PRKAG2: variants seen among roughly 807,000 people sequenced by gnomAD.
The protein encoded by PRKAG2 is 5'-AMP-activated protein kinase subunit gamma-2.
A neutral mutation model predicts 69.6 loss-of-function variants in PRKAG2; 26 were observed. That is an observed-to-expected ratio of 0.37 (90% CI 0.27 to 0.52). The LOEUF (loss-of-function observed/expected upper bound fraction) is 0.52, where lower values mean the gene tolerates loss of function less well. Among genes scored for constraint, PRKAG2 ranks in the 20% least tolerant of loss-of-function variants. The probability of loss-of-function intolerance (pLI) is 0.90; values close to 1 mark genes in which losing one functional copy is unlikely to be tolerated. For missense variants in PRKAG2, 557 were observed against 740.0 expected (o/e 0.75, Z 2.87); for synonymous variants, 293 against 285.0 (o/e 1.03, Z -0.28).
intron 3 of PRKAG2, among the ~76,000 whole-genome samples, chr7:151,711,966 G>A (rs1421450106): frequency 1.3e-5 from 2 of 152,172 alleles, no homozygotes; most frequent in Non-Finnish European, 2.9e-5. Flanking sequence ...CCCAGAAGCC[G>A]CCCTCCTCTG....
rs1465914485 is a variant in PRKAG2 at position 151,795,243 on chromosome 7, A to G, written c.115-8702T>C. Among the ~76,000 whole-genome samples, 12 of 152,156 alleles carry G rather than the reference A, an allele frequency of 7.9e-5. No homozygotes were observed. The South Asian group carries it at 1.7e-3, about 21-fold the overall frequency. ...AGGAGTCTGGGTCAGCTCCCAGTTC[A>G]TGAGGAAGGAGGCAAGTACCTGGGA... is the stretch of plus-strand genomic sequence containing the variant. On this transcript the variant is annotated intron_variant, in intron 1 of 15. Transcript: ENST00000287878.
At chr7:151,811,510 T>C (rs998561122) in intron 1 of PRKAG2, among the ~76,000 whole-genome samples, 1 of 152,256 alleles carries the variant, frequency 6.6e-6, no homozygotes, top group African/African-American at 2.4e-5. Flanking sequence ...AATTCAGTAA[T>C]TGAGGCTAGA....
intron 3 of PRKAG2, among the ~76,000 whole-genome samples, chr7:151,746,036 T>G (rs1262044052): frequency 6.6e-6 from 1 of 152,116 alleles, no homozygotes; most frequent in African/African-American, 2.4e-5. Flanking sequence ...TCTGAAACTC[T>G]GCAGGCCAGC....
chr7:151,675,018 T>G (rs1585676137), intron 4 of PRKAG2: 1 of 340,070 alleles, frequency 2.9e-6, no homozygotes, highest in South Asian at 2.3e-5. Context: ...GCCATCTAGG[T>G]TTAAGCAATT....
intron 1 of PRKAG2, among the ~76,000 whole-genome samples, chr7:151,865,798 T>C (rs1198621023): frequency 1.3e-5 from 2 of 152,098 alleles, no homozygotes; most frequent in African/African-American, 4.8e-5. Context: ...GGCGGGCGGA[T>C]CATGAGGTCA....
At chr7:151,558,271 C>T in intron 15 of PRKAG2, 2 of 985,496 alleles carry the variant, frequency 2.0e-6, no homozygotes, top group South Asian at 9.4e-5. Flanking sequence ...AGAATCACCA[C>T]TAGTACCTTC....
chr7:151,685,056 G>A (rs1834515265), intron 3 of PRKAG2, among the ~76,000 whole-genome samples: 1 of 152,162 alleles, frequency 6.6e-6, no homozygotes. Flanking sequence ...ACTGCAGGCT[G>A]CTGTTTCATT....
chr7:151,849,721 C>A (rs7812239), intron 1 of PRKAG2, among the ~76,000 whole-genome samples: 6 of 151,968 alleles, frequency 3.9e-5, no homozygotes, highest in South Asian at 2.1e-4. Flanking sequence ...CTGTCTCGGC[C>A]TCTGCTGTCC....
chr7:151,806,946 A>T (rs2151846220), intron 1 of PRKAG2: 1 of 450,484 alleles, frequency 2.2e-6, no homozygotes, highest in Non-Finnish European at 4.4e-6. Flanking sequence ...AGCCTGGGGA[A>T]AAAAAAAAGC....
intron 4 of PRKAG2, among the ~76,000 whole-genome samples, chr7:151,642,047 A>AAG: frequency 6.6e-6 from 1 of 150,418 alleles, no homozygotes; most frequent in African/African-American, 2.4e-5. Flanking sequence ...AAAAAAAAAA[A>AAG]AAAAGGGGCC....
At chr7:151,830,252 C>T (rs1029078085) in intron 1 of PRKAG2, among the ~76,000 whole-genome samples, 3 of 151,806 alleles carry the variant, frequency 2.0e-5, no homozygotes, top group Non-Finnish European at 2.9e-5. Context: ...CCTATCTGTC[C>T]GCAGGCTGAC....
chr7:151,590,336 T>C (rs1000911555), intron 6 of PRKAG2, among the ~76,000 whole-genome samples: 31 of 152,224 alleles, frequency 2.0e-4, no homozygotes, highest in African/African-American at 7.5e-4. Context: ...GCTACAGGGC[T>C]GTTTCCAAAA....
intron 4 of PRKAG2, among the ~76,000 whole-genome samples, chr7:151,640,609 G>A (rs2151363841): frequency 6.6e-6 from 1 of 152,124 alleles, no homozygotes; most frequent in South Asian, 2.1e-4. Context: ...ATCTTTCTCT[G>A]AAAGCCTTTC....
intron 1 of PRKAG2, among the ~76,000 whole-genome samples, chr7:151,876,029 C>A (rs559785900): frequency 9.9e-5 from 15 of 150,840 alleles, no homozygotes; most frequent in African/African-American, 3.4e-4. Context: ...TACACAGCTC[C>A]CCCCAACCCC....
intron 1 of PRKAG2, among the ~76,000 whole-genome samples, chr7:151,800,357 C>CA (rs398048179): frequency 0.34 from 34,998 of 103,932 alleles, 4,735 homozygotes; most frequent in Admixed American, 0.38. Context: ...GACTCTGTCT[C>CA]AAAAAAAAAA....
intron 5 of PRKAG2, among the ~76,000 whole-genome samples, chr7:151,620,336 TCTCA>T (rs150351620): frequency 0.022 from 3,328 of 152,194 alleles, 117 homozygotes; most frequent in East Asian, 0.18. Flanking sequence ...TCTTTCTCTC[TCTCA>T]TTCTTTCTTT....
In PRKAG2 at chr7:151,845,669, G is replaced by C. The variant is rs550652492; in HGVS notation, c.114+30838C>G. 2.0e-5 allele frequency among the ~76,000 whole-genome samples: 3 copies of C among 152,160 alleles called. No individual in the cohort carries two copies. The East Asian group carries it at 5.8e-4, about 29-fold the overall frequency. ...GATGCCTGCCTCCCTTCCCAACCTC[G>C]TCATCCTCACAAGGGGAGGTGGCTG... On this transcript the variant is annotated intron_variant, in intron 1 of 15. Transcript: ENST00000287878.
rs1277207579 is a variant in PRKAG2, at chr7:151,632,922, C to G, written c.685-784G>C. On this transcript the variant is annotated intron_variant, in intron 4 of 15. Coordinates refer to ENST00000287878, the MANE Select transcript of PRKAG2 (RefSeq NM_016203.4). This position sits in a 1 kb window ranked among gnomAD's most constrained non-coding sequence, Gnocchi z 4.2. ...TACACACCCTGAATCTGGCCCTGGC[C>G]GCTCAGGAGCTGGGTATCTGAGACT... 6.6e-6 allele frequency: 1 copy of G among 152,138 alleles called. No homozygotes were observed. Among genetic ancestry groups the G allele is most frequent in the African/African-American group, 2.4e-5 (1 of 41,432 alleles). The allele number at this position is 152,138 out of a possible 1,614,324, so 9.4% of individuals were successfully genotyped here.
rs556509285 is a variant in PRKAG2, at chr7:151,835,941, G to T, written c.114+40566C>A. ...AGGCATCGGAGATGGGGACTGTGACGAGGCCAATCCACGGGCATTGATTGC... is the reference window on the plus strand; with the variant it reads ...AGGCATCGGAGATGGGGACTGTGACTAGGCCAATCCACGGGCATTGATTGC... On this transcript the variant is annotated intron_variant, in intron 1 of 15. Coordinates refer to ENST00000287878, the MANE Select transcript of PRKAG2 (RefSeq NM_016203.4). The surrounding 1 kb of genome is among the most constrained non-coding windows in gnomAD (Gnocchi z 4.1). Among the ~76,000 whole-genome samples, 1 of 152,184 alleles carries T rather than the reference G, an allele frequency of 6.6e-6. No individual in the cohort carries two copies. The highest frequency in any genetic ancestry group is 2.1e-4 in the South Asian group (1 of 4,820).
Sources: gnomAD v4.1 joint callset for allele counts (sites outside exome capture counted in the v4.1 genomes callset) on GRCh38, gnomAD v4.1.1 for gene constraint, Gnocchi (gnomAD v3.1) non-coding constraint, MANE v1.5 for transcripts, NCBI Gene and HGNC (gene_info 2026-07-23, HGNC 2026-07-21) for gene names.